The following CA10 variants were observed in gnomAD, a reference collection of about 807,000 sequenced individuals.
CA10 encodes carbonic anhydrase 10 (inactive), also known as carbonic anhydrase-related protein 10.
In CA10, 14 loss-of-function variants were observed where a neutral mutation model predicts 44.2. The observed-to-expected ratio is 0.32, with a 90% CI of 0.21 to 0.50. CA10 has a LOEUF of 0.50. CA10 is among the 20% of genes least tolerant of loss of function. CA10 has a pLI of 0.99. For synonymous variants in CA10, 159 were observed against 141.6 expected, an observed-to-expected ratio of 1.12 and a Z score of -0.87; for missense variants, 350 against 409.7, an observed-to-expected ratio of 0.85 and a Z score of 1.26.
intron 2 of CA10, among the ~76,000 whole-genome samples, chr17:52,043,711 T>G (rs759373336): frequency 6.6e-6 from 1 of 152,154 alleles, no homozygotes; most frequent in Non-Finnish European, 1.5e-5. Flanking sequence ...ATGGCCTTTA[T>G]TATGTTGAGG....
intron 1 of CA10, among the ~76,000 whole-genome samples, chr17:52,157,358 C>T (rs1330642517): frequency 6.6e-6 from 1 of 152,118 alleles, no homozygotes; most frequent in Admixed American, 6.5e-5. Flanking sequence ...ACCACCGAGT[C>T]TGGGAACTTT....
chr17:51,863,003 TA>T (rs556535115), intron 3 of CA10, among the ~76,000 whole-genome samples: 62 of 152,258 alleles, frequency 4.1e-4, no homozygotes, highest in Middle Eastern at 3.4e-3. Context: ...CTCTATAACA[TA>T]AACCAAAGTG....
intron 4 of CA10, among the ~76,000 whole-genome samples, chr17:51,700,984 A>AC (rs1487054150): frequency 6.6e-6 from 1 of 152,086 alleles, no homozygotes; most frequent in African/African-American, 2.4e-5. Context: ...GGGGCTTAAT[A>AC]CCTAGGTGAT....
chr17:51,916,032 T>A (rs934060814), intron 3 of CA10, among the ~76,000 whole-genome samples: 1 of 152,096 alleles, frequency 6.6e-6, no homozygotes, highest in Admixed American at 6.6e-5. Context: ...ATTTGTAGAA[T>A]AAAGATCACA....
chr17:51,967,616 C>T (rs1381928140), intron 2 of CA10, among the ~76,000 whole-genome samples: 2 of 151,698 alleles, frequency 1.3e-5, no homozygotes, highest in Non-Finnish European at 3.0e-5. Context: ...CATAGTCTCA[C>T]TTATAAGTGG....
At chr17:52,155,845 C>G (rs1989792491) in intron 1 of CA10, among the ~76,000 whole-genome samples, 1 of 152,234 alleles carries the variant, frequency 6.6e-6, no homozygotes, top group Non-Finnish European at 1.5e-5. Flanking sequence ...CTCCATAGCA[C>G]TCCTCCTGAG....
intron 4 of CA10, among the ~76,000 whole-genome samples, chr17:51,730,290 A>G (rs889355053): frequency 2.0e-5 from 3 of 152,246 alleles, no homozygotes; most frequent in African/African-American, 7.2e-5. Flanking sequence ...TTCATTATAC[A>G]GAGTTTTGGA....
chr17:51,939,627 TCTCA>T, intron 2 of CA10, among the ~76,000 whole-genome samples: 1 of 152,218 alleles, frequency 6.6e-6, no homozygotes, highest in African/African-American at 2.4e-5. Flanking sequence ...AGAAATGGTA[TCTCA>T]CTGATTGAAT....
intron 4 of CA10, among the ~76,000 whole-genome samples, chr17:51,692,431 C>G (rs1915243787): frequency 1.5e-5 from 1 of 66,364 alleles, no homozygotes; most frequent in Non-Finnish European, 4.7e-5. Context: ...ATCTATTTTA[C>G]CATTTACCAT....
intron 1 of CA10, among the ~76,000 whole-genome samples, chr17:52,156,237 G>A (rs1989801179): frequency 6.6e-6 from 1 of 152,118 alleles, no homozygotes. Context: ...GTAAAATATG[G>A]CCTTGTGAGA....
At chr17:51,721,706 A>G (rs1288735415) in intron 4 of CA10, among the ~76,000 whole-genome samples, 1 of 152,016 alleles carries the variant, frequency 6.6e-6, no homozygotes, top group Non-Finnish European at 1.5e-5. Flanking sequence ...GGTCATAATT[A>G]TTTTTAAAAA....
At chr17:51,810,350 G>C (rs1434316383) in intron 3 of CA10, among the ~76,000 whole-genome samples, 3 of 152,052 alleles carry the variant, frequency 2.0e-5, no homozygotes, top group Non-Finnish European at 4.4e-5. Flanking sequence ...TGATTTTTTT[G>C]GAGCACCAAG....
chr17:51,901,316 C>T (rs557127448), intron 3 of CA10, among the ~76,000 whole-genome samples: 1 of 152,152 alleles, frequency 6.6e-6, no homozygotes, highest in East Asian at 1.9e-4. Flanking sequence ...GCTGTATGCT[C>T]TAACTCTGGG....
chr17:52,104,309 C>T (rs1403046837), intron 1 of CA10, among the ~76,000 whole-genome samples: 1 of 152,006 alleles, frequency 6.6e-6, no homozygotes, highest in Non-Finnish European at 1.5e-5. Flanking sequence ...GCCAACCCTC[C>T]TACCTCAGCC....
chr17:51,744,812 G>C (rs1257631783), intron 4 of CA10, among the ~76,000 whole-genome samples: 1 of 152,078 alleles, frequency 6.6e-6, no homozygotes, highest in Non-Finnish European at 1.5e-5. Flanking sequence ...CTTCTTGCTT[G>C]CTGAAATCCG....
chr17:51,653,610 T>C (rs1266050366), intron 5 of CA10, 31 bp downstream of exon 5: 1 of 1,126,490 alleles, frequency 8.9e-7, no homozygotes. Flanking sequence ...GTGGGGATGG[T>C]GAGAAGAATG....
intron 1 of CA10, among the ~76,000 whole-genome samples, chr17:52,075,639 C>G (rs1310258539): frequency 6.6e-6 from 1 of 152,100 alleles, no homozygotes; most frequent in African/African-American, 2.4e-5. Flanking sequence ...ATCTCTGTCC[C>G]CCTTTAGTTG....
At chr17:51,795,111 G>A (rs1906657306) in intron 3 of CA10, among the ~76,000 whole-genome samples, 2 of 152,186 alleles carry the variant, frequency 1.3e-5, no homozygotes, top group African/African-American at 4.8e-5. Context: ...TTGTGTGGGT[G>A]GGAGGATAAA....
intron 3 of CA10, among the ~76,000 whole-genome samples, chr17:51,804,468 G>C (rs1359347883): frequency 1.3e-5 from 2 of 152,036 alleles, no homozygotes; most frequent in African/African-American, 4.8e-5. Context: ...TTATTTATTG[G>C]GTCTTCTCTT....
Sources: gnomAD v4.1 joint callset for allele counts (sites outside exome capture counted in the v4.1 genomes callset) on GRCh38, gnomAD v4.1.1 for gene constraint, MANE v1.5 for transcripts, NCBI Gene and HGNC (gene_info 2026-07-23, HGNC 2026-07-21) for gene names.